SMAD5: variants seen among roughly 807,000 people sequenced by gnomAD.
SMAD5 encodes the protein SMAD family member 5.
In SMAD5, 9 loss-of-function variants were observed where a neutral mutation model predicts 43.1. The observed-to-expected ratio is 0.21, with a 90% CI of 0.13 to 0.36. SMAD5 has a LOEUF of 0.36. Among genes scored for constraint, SMAD5 ranks in the 10% least tolerant of loss-of-function variants. The probability of loss-of-function intolerance (pLI) is 1.00; values close to 1 mark genes in which losing one functional copy is unlikely to be tolerated. For synonymous variants in SMAD5, 190 were observed against 192.4 expected (o/e 0.99, Z 0.10); for missense variants, 348 against 574.0 (o/e 0.61, Z 4.02).
intron 3 of SMAD5, among the ~76,000 whole-genome samples, 160 bp downstream of exon 3, chr5:136,154,323 CT>C (rs1362587150): frequency 2.0e-5 from 3 of 152,080 alleles, no homozygotes; most frequent in African/African-American, 7.2e-5. Context: ...TTGAGTTTAG[CT>C]TTTTATATGT....
rs551650238 is a variant in SMAD5, at chr5:136,153,237, A to G, written c.-169-355A>G. On this transcript the variant is annotated intron_variant, in intron 2 of 7. Transcript: ENST00000545279. ...CACGTTCAAAATTGACATAGCATGT[A>G]ACATGGATTTCAGTGAAGAAAAGTA... Among the ~76,000 whole-genome samples the G allele has an allele frequency of 4.1e-4, 62 of 152,292 alleles. 1 individual carries two copies. Among genetic ancestry groups the G allele is most frequent in the African/African-American group, 1.4e-3 (60 of 41,572 alleles).
At chr5:136,138,643 C>A (rs1340381438) in intron 1 of SMAD5, among the ~76,000 whole-genome samples, 3 of 152,228 alleles carry the variant, frequency 2.0e-5, no homozygotes, top group African/African-American at 7.2e-5. Context: ...ATAATGAGAA[C>A]CACAAGGGTA....
intron 1 of SMAD5, among the ~76,000 whole-genome samples, chr5:136,143,290 C>T (rs192524233): frequency 9.4e-5 from 14 of 149,202 alleles, no homozygotes; most frequent in South Asian, 8.4e-4. Flanking sequence ...TATTTAATCA[C>T]GGTGTGTGTG....
intron 6 of SMAD5, among the ~76,000 whole-genome samples, chr5:136,173,498 CAA>C (rs1754296179): frequency 6.6e-6 from 1 of 152,040 alleles, no homozygotes; most frequent in Non-Finnish European, 1.5e-5. Context: ...AGTTACGAAA[CAA>C]AGTTTTCATT....
Position 136,182,032 on chromosome 5 carries a change from A to G in SMAD5, c.*4552A>G, listed in dbSNP as rs1000927457. 6.6e-6 allele frequency: 1 copy of G among 152,198 alleles called. No individual in the cohort carries two copies. The highest frequency in any genetic ancestry group is 1.5e-5 in the Non-Finnish European group (1 of 68,018). The allele number at this position is 152,198 out of a possible 1,614,324, so 9.4% of individuals were successfully genotyped here. On this transcript the variant is annotated 3_prime_UTR_variant, in exon 8 of 8. Transcript: ENST00000545279. Reference sequence around the variant, plus strand: ...AAAAGGTTTGTATGGTTCTTGTCCAAATAACTCAGTTCTTAAAATTCTTAA... The same window carrying G: ...AAAAGGTTTGTATGGTTCTTGTCCAGATAACTCAGTTCTTAAAATTCTTAA...
chr5:136,181,179 C>T lies in SMAD5; in HGVS notation c.*3699C>T, dbSNP rs1185850925. The T allele has an allele frequency of 2.0e-5, 3 of 152,092 alleles. No homozygotes were observed. Among genetic ancestry groups the T allele is most frequent in the Non-Finnish European group, 4.4e-5 (3 of 67,962 alleles). 9.4% of individuals were successfully genotyped at this position (152,092 alleles called of 1,614,324 possible). On this transcript the variant is annotated 3_prime_UTR_variant, in exon 8 of 8. Transcript: ENST00000545279. ...GCTTAATAGTACTTTGGATGATTAT[C>T]ACCTTTGCCACTTAAAATATATAAA...
At chr5:136,142,364 G>A (rs902269399) in intron 1 of SMAD5, among the ~76,000 whole-genome samples, 1 of 152,098 alleles carries the variant, frequency 6.6e-6, no homozygotes, top group Non-Finnish European at 1.5e-5. Flanking sequence ...AGATTCATTT[G>A]TAATTCATGA....
At chr5:136,174,712 T>C in intron 7 of SMAD5, 80 bp downstream of exon 7, 1 of 1,016,440 alleles carries the variant, frequency 9.8e-7, no homozygotes, top group South Asian at 1.7e-5. Context: ...TTAAAAATTG[T>C]TAAATGAAAG....
rs1754337901 is a variant in SMAD5, at chr5:136,174,464, T to C, written c.1086T>C (p.Phe362=). 6.2e-7 allele frequency: 1 copy of C among 1,613,996 alleles called. No individual in the cohort carries two copies. Among genetic ancestry groups the C allele is most frequent in the Non-Finnish European group, 8.5e-7 (1 of 1,179,860 alleles). ...TTGTACAGAGTAGGAACTGCAACTT[T>C]CATCATGGCTTTCATCCCACCACTG... ...SIFVQSRNCN[F]HHGFHPTTVC... The change falls in exon 7 of 8, where the codon TTT becomes TTC. Residue 362 remains phenylalanine, a synonymous_variant. Transcript: ENST00000545279.
intron 7 of SMAD5, among the ~76,000 whole-genome samples, chr5:136,176,355 T>C (rs1754414770): frequency 6.8e-6 from 1 of 147,916 alleles, no homozygotes; most frequent in Admixed American, 7.0e-5. Flanking sequence ...CTAGGGAGGC[T>C]GAGACAGGAG....
Position 136,154,031 on chromosome 5 carries a change from C to T in SMAD5, c.271C>T (p.Arg91Cys), listed in dbSNP as rs1253039342. The change falls in exon 3 of 8, where the codon CGT becomes TGT. Residue 91 changes from arginine (R) to cysteine (C), a missense_variant. Physicochemically the swap from Arg to Cys is radical, Grantham distance 180 (BLOSUM62 -3). Transcript: ENST00000545279. Reference protein sequence around the residue: ...RKGLPHVIYCRVWRWPDLQSH... With the variant: ...RKGLPHVIYCCVWRWPDLQSH... ...AGGCTTACCCCATGTTATATATTGT[C>T]GTGTTTGGCGCTGGCCGGATTTGCA... The T allele has an allele frequency of 6.2e-7, 1 of 1,608,652 alleles. No homozygotes were observed. Among genetic ancestry groups the T allele is most frequent in the Non-Finnish European group, 8.5e-7 (1 of 1,178,038 alleles).
rs1754640395 is a variant in SMAD5 at position 136,181,942 on chromosome 5, A to C, written c.*4462A>C. On this transcript the variant is annotated 3_prime_UTR_variant, in exon 8 of 8. Coordinates refer to ENST00000545279, the MANE Select transcript of SMAD5 (RefSeq NM_005903.7). ...TAGCAACTGCAGTAAAACAGGTGAT[A>C]AGTTATTTTCTCTGAAAAGATCCAG... 6.6e-6 allele frequency: 1 copy of C among 152,228 alleles called. No homozygotes were observed. Among genetic ancestry groups the C allele is most frequent in the African/African-American group, 2.4e-5 (1 of 41,470 alleles). The allele number at this position is 152,228 out of a possible 1,614,324, so 9.4% of individuals were successfully genotyped here. A position where few individuals can be genotyped will look rare whatever the true frequency, so the allele number is the denominator to read the frequency against.
Position 136,182,234 on chromosome 5 carries a change from A to G in SMAD5, c.*4754A>G, listed in dbSNP as rs1045485269. On this transcript the variant is annotated 3_prime_UTR_variant, in exon 8 of 8. Transcript: ENST00000545279. Reference sequence around the variant, plus strand: ...CCAAAGAATCCCAAGTTCTTTGTGGAAAAAAAAAAAAAATCTTTTAGGGTC... The same window carrying G: ...CCAAAGAATCCCAAGTTCTTTGTGGGAAAAAAAAAAAAATCTTTTAGGGTC... 8 of 60,760 alleles carry G rather than the reference A, an allele frequency of 1.3e-4. No homozygotes were observed. The highest frequency in any genetic ancestry group is 5.5e-4 in the East Asian group (1 of 1,802). The allele number at this position is 60,760 out of a possible 1,614,324, so 3.8% of individuals were successfully genotyped here.
At chr5:136,164,132 G>T (rs4276399) in intron 5 of SMAD5, among the ~76,000 whole-genome samples, 54,086 of 152,130 alleles carry the variant, frequency 0.36, 10,469 homozygotes, top group African/African-American at 0.52. Context: ...GGCTGAGGTT[G>T]CAGTGAGCTG....
intron 5 of SMAD5, among the ~76,000 whole-genome samples, chr5:136,171,464 G>T (rs1481424341): frequency 6.6e-6 from 1 of 152,216 alleles, no homozygotes; most frequent in Non-Finnish European, 1.5e-5. Context: ...CACCCAGAGG[G>T]TTGGGAGGGT....
Position 136,177,692 on chromosome 5 carries a change from A to G in SMAD5, c.*212A>G. On this transcript the variant is annotated 3_prime_UTR_variant, in exon 8 of 8. Coordinates refer to ENST00000545279, the MANE Select transcript of SMAD5 (RefSeq NM_005903.7). ...TTAACTCTTAGAAGTGTTGTAAAAGATGCAGAGTAAGTATTATGCCCCAGT... is the reference window on the plus strand; with the variant it reads ...TTAACTCTTAGAAGTGTTGTAAAAGGTGCAGAGTAAGTATTATGCCCCAGT... 1 of 451,886 alleles carries G rather than the reference A, an allele frequency of 2.2e-6. No individual in the cohort carries two copies. Among genetic ancestry groups the G allele is most frequent in the Non-Finnish European group, 3.9e-6 (1 of 258,304 alleles). The allele number at this position is 451,886 out of a possible 1,614,324, so 28.0% of individuals were successfully genotyped here.
At chr5:136,148,887 A>T (rs984687078) in intron 2 of SMAD5, among the ~76,000 whole-genome samples, 10 of 151,848 alleles carry the variant, frequency 6.6e-5, no homozygotes, top group Non-Finnish European at 1.3e-4. Context: ...TTTTAAAGAT[A>T]TTTTTAAAAA....
intron 5 of SMAD5, among the ~76,000 whole-genome samples, chr5:136,170,512 T>C (rs980693593): frequency 2.0e-5 from 3 of 152,176 alleles, no homozygotes; most frequent in African/African-American, 7.2e-5. Flanking sequence ...AGTGAAGTAG[T>C]GTCAGTCCTC....
At chr5:136,145,064 G>A (rs185863802) in intron 1 of SMAD5, among the ~76,000 whole-genome samples, 1 of 151,790 alleles carries the variant, frequency 6.6e-6, no homozygotes, top group Admixed American at 6.6e-5. Context: ...GCATCAGAAA[G>A]GACTTTGAGA....
Sources: allele counts gnomAD v4.1 joint callset (sites outside exome capture counted in the v4.1 genomes callset), GRCh38; gene constraint gnomAD v4.1.1; transcripts MANE v1.5; gene names NCBI Gene and HGNC (gene_info 2026-07-23, HGNC 2026-07-21).